CYGB: variants seen among roughly 807,000 people sequenced by gnomAD.
The protein encoded by CYGB is histoglobin.
CYGB carries 13 observed loss-of-function variants against 20.7 expected under a neutral mutation model. The ratio of observed to expected loss-of-function variants is 0.63; its 90% CI spans 0.41 to 1.00. The LOEUF (loss-of-function observed/expected upper bound fraction) is 1.00. Ranked by LOEUF, CYGB falls within the 50% of genes least tolerant of loss-of-function variation. The pLI, the probability that CYGB is intolerant of heterozygous loss-of-function variation, is 0.00. For missense variants in CYGB, 218 were observed against 257.2 expected (o/e 0.85, Z 1.04); for synonymous variants, 93 against 107.4 (o/e 0.87, Z 0.83).
intron 1 of CYGB, among the ~76,000 whole-genome samples, chr17:76,535,541 C>T (rs1191282590): frequency 6.6e-6 from 1 of 152,142 alleles, no homozygotes; most frequent in Admixed American, 6.5e-5. Flanking sequence ...GCCAGGCTGT[C>T]CTGGGGCTGG....
At chr17:76,540,300 G>C (rs151090701), upstream of CYGB, 617 of 1,446,388 alleles carry the variant, frequency 4.3e-4, 2 homozygotes, top group African/African-American at 7.1e-3. The surrounding 1 kb of genome is among the most constrained non-coding windows in gnomAD (Gnocchi z 5.0). Context: ...AAGGTGGGCA[G>C]GGGCTGCGTG....
At position 76,528,569 on chromosome 17, in the gene CYGB, TTA is replaced by T. The variant is rs2143062488; in HGVS notation, c.*7_*8del. On this transcript the variant is annotated 3_prime_UTR_variant, in exon 4 of 4. Transcript: ENST00000293230. This position sits in a 1 kb window ranked among gnomAD's most constrained non-coding sequence, Gnocchi z 5.8. ...GGTGCTGCCAGGGAGGGGGGTGGAG[TTA>T]GGGGTCCTACGGCCCCGAAGAGGGC... The T allele has an allele frequency of 2.1e-5, 27 of 1,278,006 alleles. No individual in the cohort carries two copies. Among genetic ancestry groups the T allele is most frequent in the East Asian group, 1.2e-4 (4 of 32,688 alleles). The allele number at this position is 1,278,006 out of a possible 1,614,324, so 79.2% of individuals were successfully genotyped here. A position where few individuals can be genotyped will look rare whatever the true frequency, so the allele number is the denominator to read the frequency against.
At chr17:76,529,301 T>C (rs763066084) in intron 3 of CYGB, 466 of 985,258 alleles carry the variant, frequency 4.7e-4, no homozygotes, top group Non-Finnish European at 5.5e-4. Flanking sequence ...CCCCACCACT[T>C]GACAGCTGGG....
upstream of CYGB, chr17:76,540,685 C>A: frequency 9.3e-7 from 1 of 1,070,552 alleles, no homozygotes; most frequent in Non-Finnish European, 1.4e-6. The surrounding 1 kb of genome is among the most constrained non-coding windows in gnomAD (Gnocchi z 5.0). Flanking sequence ...GCACCGTATC[C>A]TGGCCCTTGC....
Position 76,528,847 on chromosome 17 carries a change from T to C in CYGB, c.540-236A>G. The C allele has an allele frequency of 8.2e-7, 1 of 1,214,838 alleles. No individual in the cohort carries two copies. The highest frequency in any genetic ancestry group is 4.3e-5 in the South Asian group (1 of 23,202). The allele number at this position is 1,214,838 out of a possible 1,614,324, so 75.3% of individuals were successfully genotyped here. On this transcript the variant is annotated intron_variant, in intron 3 of 3. Coordinates refer to ENST00000293230, the MANE Select transcript of CYGB (RefSeq NM_134268.5). This position sits in a 1 kb window ranked among gnomAD's most constrained non-coding sequence, Gnocchi z 5.8. ...GAGCTCCGGATCTTTTTCTCTAAAA[T>C]GTGAATAATGTCTGTCTTGTGACAT... is the stretch of plus-strand genomic sequence containing the variant.
At chr17:76,529,764 C>T (rs1379748694) in intron 3 of CYGB, 1 of 985,250 alleles carries the variant, frequency 1.0e-6, no homozygotes, top group Non-Finnish European at 1.2e-6. Context: ...CTGCCAGTGC[C>T]CTCCTCTGGT....
At chr17:76,547,843 A>T (rs1435608074) in intron 1 of CYGB, among the ~76,000 whole-genome samples, 1 of 129,066 alleles carries the variant, frequency 7.7e-6, no homozygotes, top group African/African-American at 3.8e-5. Context: ...ACACACATTC[A>T]CACACACACA....
In CYGB at chr17:76,530,456, T is replaced by C. The variant is rs1345269844; in HGVS notation, c.539+523A>G. Among the ~76,000 whole-genome samples, 1 of 152,208 alleles carries C rather than the reference T, an allele frequency of 6.6e-6. No homozygotes were observed. ...CGTGTGCGTGTGAGCGACACCCATG[T>C]AGCTTCCTCGTGGGCTGGGGTGTGT... is the stretch of plus-strand genomic sequence containing the variant. On this transcript the variant is annotated intron_variant, in intron 3 of 3. Coordinates refer to ENST00000293230, the MANE Select transcript of CYGB (RefSeq NM_134268.5). This position sits in a 1 kb window ranked among gnomAD's most constrained non-coding sequence, Gnocchi z 6.1.
At position 76,548,636 on chromosome 17, in the gene CYGB, T is replaced by C. The variant is rs567079072; in HGVS notation, c.-53+2226A>G. ...CTGGAGTGAGGACGCAGAGGACTAA[T>C]GATCTCCTCAGGAAAAGAACAGTTT... On this transcript the variant is annotated intron_variant, in intron 1 of 3. Coordinates refer to the CYGB transcript ENST00000589145. Among the ~76,000 whole-genome samples, 6 of 152,360 alleles carry C rather than the reference T, an allele frequency of 3.9e-5. No homozygotes were observed. The South Asian group carries it at 1.2e-3, about 32-fold the overall frequency.
rs758393407 is a variant in CYGB at position 76,543,084 on chromosome 17, G to A, written c.-53+7778C>T. On this transcript the variant is annotated intron_variant, in intron 1 of 3. Coordinates refer to the CYGB transcript ENST00000589145. ...AGGATGCTGTGGGAGCTGCAGCAGCGGCAAGAGGGAGAATGGGGGGAAGCA... is the reference window on the plus strand; with the variant it reads ...AGGATGCTGTGGGAGCTGCAGCAGCAGCAAGAGGGAGAATGGGGGGAAGCA... 4.6e-4 allele frequency: 219 copies of A among 471,590 alleles called. No homozygotes were observed. The highest frequency in any genetic ancestry group is 4.1e-4 in the Non-Finnish European group (93 of 227,378). The allele number at this position is 471,590 out of a possible 1,614,324, so 29.2% of individuals were successfully genotyped here.
At chr17:76,547,777 TACAC>T (rs936160939) in intron 1 of CYGB, among the ~76,000 whole-genome samples, 15 of 142,378 alleles carry the variant, frequency 1.1e-4, no homozygotes, top group South Asian at 9.0e-4. Flanking sequence ...AAACATATAA[TACAC>T]ACACAGACAT....
At chr17:76,545,083 G>C (rs2075039762) in intron 1 of CYGB, 2 of 453,796 alleles carry the variant, frequency 4.4e-6, no homozygotes, top group Non-Finnish European at 4.4e-6. Context: ...CCCCCAGGGA[G>C]CAGGCTGGCT....
intron 1 of CYGB, chr17:76,544,907 C>G: frequency 4.4e-6 from 2 of 456,790 alleles, no homozygotes; most frequent in South Asian, 1.5e-5. Context: ...CGCCACTGTT[C>G]CGAGAACCTG....
chr17:76,537,089 C>G, intron 1 of CYGB, among the ~76,000 whole-genome samples: 1 of 152,226 alleles, frequency 6.6e-6, no homozygotes. Context: ...GTGTGTCTGA[C>G]AGTTTGGCTG....
chr17:76,542,538 C>A (rs772410206), upstream of CYGB: 1 of 1,614,212 alleles, frequency 6.2e-7, no homozygotes, highest in South Asian at 1.1e-5. Flanking sequence ...GACCCCAGTG[C>A]TTTCCTCTGT....
upstream of CYGB, among the ~76,000 whole-genome samples, chr17:76,541,510 G>C (rs2074993363): frequency 6.6e-6 from 1 of 152,150 alleles, no homozygotes; most frequent in African/African-American, 2.4e-5. Flanking sequence ...GCAACCGAGA[G>C]AACTTCCGTC....
rs1271154615 is a variant in CYGB, at chr17:76,527,560, C to T, written c.*1018G>A. ...TGACCAAGGGGCACACACGGGGGGC[C>T]CCCCTGGCAAGCCTGACGCAGATGA... On this transcript the variant is annotated 3_prime_UTR_variant, in exon 4 of 4. Transcript: ENST00000293230. 2.2e-6 allele frequency: 1 copy of T among 444,730 alleles called. No homozygotes were observed. Among genetic ancestry groups the T allele is most frequent in the Admixed American group, 2.4e-5 (1 of 42,310 alleles). 27.5% of individuals were successfully genotyped at this position (444,730 alleles called of 1,614,324 possible).
chr17:76,543,706 C>T, intron 1 of CYGB: 3 of 463,942 alleles, frequency 6.5e-6, no homozygotes, highest in South Asian at 4.7e-5. Context: ...GCCTGTCAGC[C>T]CAGGAGCTAT....
chr17:76,528,794 G>A lies in CYGB; in HGVS notation c.540-183C>T. The A allele has an allele frequency of 9.5e-7, 1 of 1,048,338 alleles. No individual in the cohort carries two copies. The highest frequency in any genetic ancestry group is 1.2e-6 in the Non-Finnish European group (1 of 816,582). The allele number at this position is 1,048,338 out of a possible 1,614,324, so 64.9% of individuals were successfully genotyped here. A position where few individuals can be genotyped will look rare whatever the true frequency, so the allele number is the denominator to read the frequency against. ...CCGTCCTGCTACGAACGTGCTGTGT[G>A]ATCTCAGGCAAGTCTACTGGCCCAT... On this transcript the variant is annotated intron_variant, in intron 3 of 3. Transcript: ENST00000293230. The surrounding 1 kb of genome is among the most constrained non-coding windows in gnomAD (Gnocchi z 5.8).
Sources: allele counts gnomAD v4.1 joint callset (sites outside exome capture counted in the v4.1 genomes callset), GRCh38; gene constraint gnomAD v4.1.1; non-coding constraint Gnocchi (gnomAD v3.1); transcripts MANE v1.5; gene names NCBI Gene and HGNC (gene_info 2026-07-23, HGNC 2026-07-21).